The following RAP1GAP2 variants were observed in gnomAD, a reference collection of about 807,000 sequenced individuals.
RAP1GAP2 encodes rap1 GTPase-activating protein 2.
RAP1GAP2 carries 27 observed loss-of-function variants against 95.0 expected under a neutral mutation model. That is an observed-to-expected ratio of 0.28 (90% CI 0.21 to 0.39). The LOEUF is 0.39. Ranked by LOEUF, RAP1GAP2 falls within the 10% of genes least tolerant of loss-of-function variation. The pLI is 1.00. For missense variants in RAP1GAP2, 771 were observed against 970.0 expected (o/e 0.79, Z 2.72); for synonymous variants, 373 against 380.9 (o/e 0.98, Z 0.24).
At chr17:2,814,919 T>C (rs1313901177) in intron 2 of RAP1GAP2, among the ~76,000 whole-genome samples, 1 of 152,004 alleles carries the variant, frequency 6.6e-6, no homozygotes, top group African/African-American at 2.4e-5. Flanking sequence ...CCCGTGGAAT[T>C]GAGGAGCTTT....
intron 2 of RAP1GAP2, among the ~76,000 whole-genome samples, chr17:2,890,874 C>T (rs536985199): frequency 8.6e-5 from 13 of 151,432 alleles, no homozygotes; most frequent in Admixed American, 5.3e-4. Context: ...TTAGTAGAGA[C>T]GGGGTTTCAC....
At chr17:2,832,812 C>T (rs2070947332) in intron 2 of RAP1GAP2, among the ~76,000 whole-genome samples, 1 of 151,644 alleles carries the variant, frequency 6.6e-6, no homozygotes, top group African/African-American at 2.4e-5. Context: ...CCCATCTCTA[C>T]TAAAAATACA....
intron 17 of RAP1GAP2, among the ~76,000 whole-genome samples, chr17:3,012,580 T>C (rs1339854987): frequency 8.6e-6 from 1 of 116,350 alleles, no homozygotes; most frequent in South Asian, 2.9e-4. Context: ...ATTGCGCCAC[T>C]GCACAGCAGA....
At chr17:2,896,463 T>A (rs1054889147) in intron 2 of RAP1GAP2, among the ~76,000 whole-genome samples, 1 of 152,140 alleles carries the variant, frequency 6.6e-6, no homozygotes, top group African/African-American at 2.4e-5. Flanking sequence ...GAGGTCCAGC[T>A]CTCGTATTTT....
intron 3 of RAP1GAP2, among the ~76,000 whole-genome samples, chr17:2,926,536 G>A (rs1461443672): frequency 1.3e-5 from 2 of 152,304 alleles, no homozygotes; most frequent in Admixed American, 6.5e-5. Context: ...GAGTGTCACA[G>A]TTCCTCCCTC....
chr17:2,844,362 CAG>C (rs771676236), intron 2 of RAP1GAP2, among the ~76,000 whole-genome samples: 88 of 152,236 alleles, frequency 5.8e-4, no homozygotes, highest in Admixed American at 2.3e-3. Flanking sequence ...TTGGAGGGTT[CAG>C]AGAGTGGGAA....
At chr17:2,771,740 T>G (rs897435988) in intron 2 of RAP1GAP2, among the ~76,000 whole-genome samples, 1 of 152,156 alleles carries the variant, frequency 6.6e-6, no homozygotes, top group African/African-American at 2.4e-5. Context: ...TCCACCCGCC[T>G]TGGCCTCCCA....
At chr17:3,002,568 G>T (rs1487216878) in intron 14 of RAP1GAP2, among the ~76,000 whole-genome samples, 1 of 152,216 alleles carries the variant, frequency 6.6e-6, no homozygotes, top group African/African-American at 2.4e-5. Context: ...ACCTTAGCTG[G>T]CCCCTGCAGG....
At chr17:2,787,507 T>G in intron 1 of RAP1GAP2, among the ~76,000 whole-genome samples, 1 of 152,016 alleles carries the variant, frequency 6.6e-6, no homozygotes, top group East Asian at 1.9e-4. Flanking sequence ...CCCCCTGCCT[T>G]GGCCTCCCAA....
At chr17:2,841,119 C>T (rs1026231788) in intron 2 of RAP1GAP2, among the ~76,000 whole-genome samples, 2 of 151,958 alleles carry the variant, frequency 1.3e-5, no homozygotes, top group South Asian at 2.1e-4. Flanking sequence ...TGCGCCACTG[C>T]ACTCCAGCCT....
At chr17:2,943,620 G>A (rs758118282) in intron 3 of RAP1GAP2, among the ~76,000 whole-genome samples, 3 of 151,976 alleles carry the variant, frequency 2.0e-5, no homozygotes, top group Non-Finnish European at 4.4e-5. Flanking sequence ...AGCTGAGATC[G>A]TACCAGTGCA....
chr17:2,863,412 C>G (rs376756438), intron 2 of RAP1GAP2, among the ~76,000 whole-genome samples: 4 of 152,260 alleles, frequency 2.6e-5, no homozygotes, highest in Admixed American at 6.5e-5. Context: ...GCTGGGCAGC[C>G]TGGCTGGGAG....
chr17:3,025,099 A>C (rs1459674632), intron 19 of RAP1GAP2, among the ~76,000 whole-genome samples: 1 of 152,236 alleles, frequency 6.6e-6, no homozygotes, highest in African/African-American at 2.4e-5. Flanking sequence ...ATTGACGGCC[A>C]GGTGCGGTGG....
At chr17:2,921,337 G>T (rs2042761987) in intron 3 of RAP1GAP2, among the ~76,000 whole-genome samples, 1 of 152,136 alleles carries the variant, frequency 6.6e-6, no homozygotes, top group Non-Finnish European at 1.5e-5. Flanking sequence ...AGTAGCTTGG[G>T]ATTACAGGCA....
intron 2 of RAP1GAP2, among the ~76,000 whole-genome samples, chr17:2,889,889 A>ATATATATATATATATATATTTT (rs1408426152): frequency 3.5e-5 from 2 of 57,322 alleles, no homozygotes; most frequent in Non-Finnish European, 3.1e-5. Flanking sequence ...ATATATATAT[A>ATATATATATATATATATATTTT]TTTTTTTTTT....
At chr17:3,030,069 CATATA>C (rs1418089056) in intron 22 of RAP1GAP2, among the ~76,000 whole-genome samples, 9 of 146,892 alleles carry the variant, frequency 6.1e-5, no homozygotes, top group South Asian at 2.1e-4. Context: ...ATAGTATATA[CATATA>C]ATATACATAT....
chr17:2,925,639 T>C (rs1270803398), intron 3 of RAP1GAP2, among the ~76,000 whole-genome samples: 1 of 152,180 alleles, frequency 6.6e-6, no homozygotes, highest in Non-Finnish European at 1.5e-5. Context: ...GATGATGCTC[T>C]CCCTGCCTTT....
At chr17:2,865,588 A>G (rs2072585327) in intron 2 of RAP1GAP2, among the ~76,000 whole-genome samples, 1 of 152,234 alleles carries the variant, frequency 6.6e-6, no homozygotes, top group African/African-American at 2.4e-5. Context: ...TGAGATGCAC[A>G]GACAGAAACA....
At chr17:2,799,208 A>G (rs2069181662) in intron 1 of RAP1GAP2, among the ~76,000 whole-genome samples, 1 of 152,162 alleles carries the variant, frequency 6.6e-6, no homozygotes, top group South Asian at 2.1e-4. Flanking sequence ...GAATGGGGGA[A>G]GAGGAGGGTC....
Sources: gnomAD v4.1 joint callset for allele counts (sites outside exome capture counted in the v4.1 genomes callset) on GRCh38, gnomAD v4.1.1 for gene constraint, MANE v1.5 for transcripts, NCBI Gene and HGNC (gene_info 2026-07-23, HGNC 2026-07-21) for gene names.